The following FBXO42 variants were observed in gnomAD, a reference collection of about 807,000 sequenced individuals.
The protein encoded by FBXO42 is F-box protein 42, also known as F-box only protein 42.
In FBXO42, 12 loss-of-function variants were observed where a neutral mutation model predicts 71.7. That is an observed-to-expected ratio of 0.17 (90% CI 0.11 to 0.27). The LOEUF (loss-of-function observed/expected upper bound fraction) is 0.27, where lower values mean the gene tolerates loss of function less well. Among genes scored for constraint, FBXO42 ranks in the 10% least tolerant of loss-of-function variants. FBXO42 has a pLI of 1.00. For synonymous variants in FBXO42, 325 were observed against 327.5 expected (o/e 0.99, Z 0.08); for missense variants, 707 against 911.9 (o/e 0.78, Z 2.89).
chr1:16,302,658 C>T lies in FBXO42; in HGVS notation c.367+3145G>A, dbSNP rs543290556. On this transcript the variant is annotated intron_variant, in intron 3 of 9. Transcript: ENST00000375592. The stretch of plus-strand genomic sequence containing the variant: ...CCAAGTAGCTGGGACTATAGGCACC[C>T]GCCACCAGGCCCGGCTAATTTTTGT... Among the ~76,000 whole-genome samples the T allele has an allele frequency of 1.5e-4, 23 of 152,184 alleles. No individual in the cohort carries two copies. The East Asian group carries it at 3.7e-3, about 24-fold the overall frequency.
At chr1:16,320,100 G>A (rs1429693501) in intron 1 of FBXO42, among the ~76,000 whole-genome samples, 2 of 151,376 alleles carry the variant, frequency 1.3e-5, no homozygotes, top group African/African-American at 2.4e-5. Flanking sequence ...TGGCTCACGC[G>A]TGTAATCCCA....
At chr1:16,341,612 A>T (rs1457107576) in intron 1 of FBXO42, among the ~76,000 whole-genome samples, 727 of 60,016 alleles carry the variant, frequency 0.012, 4 homozygotes, top group African/African-American at 0.045. Context: ...CGTCTTTTAA[A>T]AAAAAAAAAA....
At chr1:16,342,574 C>T (rs2082615122) in intron 1 of FBXO42, among the ~76,000 whole-genome samples, 1 of 119,022 alleles carries the variant, frequency 8.4e-6, no homozygotes. Context: ...AGATTGAGAT[C>T]CTGTCTCAAA....
chr1:16,276,466 A>C (rs1350088427), intron 4 of FBXO42, among the ~76,000 whole-genome samples: 1 of 152,118 alleles, frequency 6.6e-6, no homozygotes, highest in East Asian at 1.9e-4. Context: ...GAAACTAAAC[A>C]GCCAAACATT....
intron 4 of FBXO42, among the ~76,000 whole-genome samples, chr1:16,287,038 C>T (rs1008990060): frequency 7.2e-5 from 11 of 152,200 alleles, no homozygotes; most frequent in Admixed American, 7.2e-4. Flanking sequence ...GAAACCTACA[C>T]AACTAGCCAT....
At chr1:16,336,366 G>GT (rs371187887) in intron 1 of FBXO42, among the ~76,000 whole-genome samples, 190 of 146,014 alleles carry the variant, frequency 1.3e-3, no homozygotes, top group South Asian at 5.7e-3. Context: ...GTTTGTTTTT[G>GT]TTTTTTTTTT....
chr1:16,280,010 C>A (rs1279566228), intron 4 of FBXO42, among the ~76,000 whole-genome samples: 5 of 151,988 alleles, frequency 3.3e-5, no homozygotes, highest in African/African-American at 1.2e-4. Flanking sequence ...CCACACCTAG[C>A]TAATTTTTGT....
At chr1:16,329,162 C>CAAAA (rs1221377687) in intron 1 of FBXO42, among the ~76,000 whole-genome samples, 5 of 60,442 alleles carry the variant, frequency 8.3e-5, no homozygotes, top group African/African-American at 1.8e-4. Flanking sequence ...GACTCTGTCT[C>CAAAA]AAAAAAAAAA....
chr1:16,327,002 ATCTC>A (rs762225778), intron 1 of FBXO42, among the ~76,000 whole-genome samples: 5 of 152,036 alleles, frequency 3.3e-5, no homozygotes, highest in Non-Finnish European at 7.4e-5. Flanking sequence ...CTCTCTCACC[ATCTC>A]TCTCTATGAC....
At position 16,352,364 on chromosome 1, in the gene FBXO42, G is replaced by A. The variant is rs1046560303; in HGVS notation, c.-127C>T. The stretch of plus-strand genomic sequence containing the variant: ...CTCTGCCTCAGGCCGCGACAGCCGT[G>A]CTCGGGGCTCCTCACAGCTGGCGGG... On this transcript the variant is annotated 5_prime_UTR_variant, in exon 1 of 10. Transcript: ENST00000375592. 26 of 398,082 alleles carry A rather than the reference G, an allele frequency of 6.5e-5. No individual in the cohort carries two copies. The highest frequency in any genetic ancestry group is 1.2e-4 in the Non-Finnish European group (26 of 225,802). The allele number at this position is 398,082 out of a possible 1,614,324, so 24.7% of individuals were successfully genotyped here.
rs569002328 is a variant in FBXO42 at position 16,286,235 on chromosome 1, A to G, written c.502+8548T>C. Among the ~76,000 whole-genome samples, 10 of 152,184 alleles carry G rather than the reference A, an allele frequency of 6.6e-5. No individual in the cohort carries two copies. In the South Asian group the frequency reaches 2.1e-3, roughly 32 times the overall value. On this transcript the variant is annotated intron_variant, in intron 4 of 9. Transcript: ENST00000375592. Reference sequence around the variant, plus strand: ...CATGCAGTCTCATAGCTTTAAATCCATCTGGATTAGTCTATTCTCACAGTG... The same window carrying G: ...CATGCAGTCTCATAGCTTTAAATCCGTCTGGATTAGTCTATTCTCACAGTG...
intron 1 of FBXO42, among the ~76,000 whole-genome samples, chr1:16,326,338 G>A (rs1243409178): frequency 2.0e-5 from 3 of 151,510 alleles, no homozygotes; most frequent in South Asian, 2.1e-4. Context: ...TTACAGGCAT[G>A]AGCCACCGTG....
intron 1 of FBXO42, among the ~76,000 whole-genome samples, chr1:16,336,033 G>C (rs2082549664): frequency 6.6e-6 from 1 of 151,472 alleles, no homozygotes; most frequent in Admixed American, 6.6e-5. Context: ...CACCTCCTGG[G>C]TTCAAGCGAT....
intron 1 of FBXO42, among the ~76,000 whole-genome samples, chr1:16,344,485 ACTT>A (rs1227029676): frequency 5.1e-5 from 4 of 78,654 alleles, no homozygotes; most frequent in Non-Finnish European, 7.0e-5. Flanking sequence ...CACCCAGCTA[ACTT>A]TTTTTTTTTT....
chr1:16,343,667 C>CA (rs1216742296), intron 1 of FBXO42, among the ~76,000 whole-genome samples: 4 of 151,940 alleles, frequency 2.6e-5, no homozygotes, highest in African/African-American at 9.7e-5. Flanking sequence ...ACTAAAAATA[C>CA]AAAAAATTAG....
chr1:16,281,805 C>G (rs1254261277), intron 4 of FBXO42, among the ~76,000 whole-genome samples: 3 of 151,810 alleles, frequency 2.0e-5, no homozygotes, highest in African/African-American at 7.3e-5. Flanking sequence ...TACAGGCGCA[C>G]ATCACCACAT....
chr1:16,264,695 A>G (rs1397338208), intron 4 of FBXO42, among the ~76,000 whole-genome samples: 1 of 152,196 alleles, frequency 6.6e-6, no homozygotes, highest in Admixed American at 6.5e-5. Context: ...CGCACAGCAG[A>G]TATGATCAAT....
intron 4 of FBXO42, among the ~76,000 whole-genome samples, chr1:16,291,447 C>T (rs2082078155): frequency 6.6e-6 from 1 of 151,996 alleles, no homozygotes; most frequent in Non-Finnish European, 1.5e-5. Context: ...GTGGCGCAAT[C>T]TTGGCTCACT....
Position 16,251,165 on chromosome 1 carries a change from T to A in FBXO42, c.1659A>T (p.Pro553=), listed in dbSNP as rs1199061259. 1.9e-6 allele frequency: 3 copies of A among 1,614,144 alleles called. No individual in the cohort carries two copies. Among genetic ancestry groups the A allele is most frequent in the African/African-American group, 1.3e-5 (1 of 75,052 alleles). The change falls in exon 10 of 10, where the codon CCA becomes CCT. Residue 553 remains proline, a synonymous_variant. Transcript: ENST00000375592. The surrounding 1 kb of genome is among the most constrained non-coding windows in gnomAD (Gnocchi z 4.5). ...VASALAGAVS[P]GALRRSLEAI... The stretch of plus-strand genomic sequence containing the variant: ...CTTCCAGACTCCGACGCAGGGCACC[T>A]GGGGAGACGGCCCCTGCAAGGGCAC...
Sources: allele counts gnomAD v4.1 joint callset (sites outside exome capture counted in the v4.1 genomes callset), GRCh38; gene constraint gnomAD v4.1.1; non-coding constraint Gnocchi (gnomAD v3.1); transcripts MANE v1.5; gene names NCBI Gene and HGNC (gene_info 2026-07-23, HGNC 2026-07-21).